The following CAMK4 variants were observed in gnomAD, a reference collection of about 807,000 sequenced individuals.
CAMK4 encodes the protein calcium/calmodulin-dependent protein kinase type IV.
CAMK4 carries 22 observed loss-of-function variants against 44.9 expected under a neutral mutation model. The ratio of observed to expected loss-of-function variants is 0.49; its 90% confidence interval spans 0.35 to 0.70. The LOEUF is 0.70. CAMK4 is among the 30% of genes least tolerant of loss of function. The pLI is 0.01. For missense variants in CAMK4, 498 were observed against 586.8 expected, an observed-to-expected ratio of 0.85 and a Z score of 1.56; for synonymous variants, 218 against 215.4, an observed-to-expected ratio of 1.01 and a Z score of -0.11.
intron 1 of CAMK4, among the ~76,000 whole-genome samples, chr5:111,244,894 TATAAC>T (rs754298250): frequency 4.5e-4 from 68 of 152,000 alleles, no homozygotes; most frequent in Middle Eastern, 3.4e-3. Flanking sequence ...AAATAAATAA[TATAAC>T]ATAACATAAA....
At position 111,486,282 on chromosome 5, in the gene CAMK4, A is replaced by G. The variant is rs1755615094; in HGVS notation, c.*1816A>G. The G allele has an allele frequency of 6.6e-6, 1 of 151,894 alleles. No homozygotes were observed. The highest frequency in any genetic ancestry group is 1.5e-5 in the Non-Finnish European group (1 of 67,974). 9.4% of individuals were successfully genotyped at this position (151,894 alleles called of 1,614,324 possible). ...GCACATCATCTGGGCTCAGAAGATT[A>G]TTTTTTGTTTTGTTTTATTTGTACT... is the stretch of plus-strand genomic sequence containing the variant. On this transcript the variant is annotated 3_prime_UTR_variant, in exon 11 of 11. Transcript: ENST00000282356.
rs181144350 is a variant in CAMK4, at chr5:111,472,426, G to C, written c.626-885G>C. The stretch of plus-strand genomic sequence containing the variant: ...TCAAGAAAGGCCACTCTGGACAATA[G>C]GCCTGAGCTCTATTTCTCCATAGAT... On this transcript the variant is annotated intron_variant, in intron 7 of 10. Coordinates refer to ENST00000282356, the MANE Select transcript of CAMK4 (RefSeq NM_001744.6). 2.7e-3 allele frequency among the ~76,000 whole-genome samples: 417 copies of C among 152,272 alleles called. 3 individuals carry two copies. The highest frequency in any genetic ancestry group is 0.023 in the Admixed American group (356 of 15,296).
rs1241974929 is a variant in CAMK4, at chr5:111,488,790, G to A, written c.*4324G>A. The stretch of plus-strand genomic sequence containing the variant: ...CAGCACTAGCATTTTCTTGATGGTT[G>A]ACTCAATGTATAATTAACAAATATA... On this transcript the variant is annotated 3_prime_UTR_variant, in exon 11 of 11. Transcript: ENST00000282356. The A allele has an allele frequency of 6.6e-6, 1 of 152,148 alleles. No homozygotes were observed. The highest frequency in any genetic ancestry group is 2.4e-5 in the African/African-American group (1 of 41,432). The allele number at this position is 152,148 out of a possible 1,614,324, so 9.4% of individuals were successfully genotyped here.
At chr5:111,286,145 G>T (rs1751231559) in intron 1 of CAMK4, among the ~76,000 whole-genome samples, 1 of 152,206 alleles carries the variant, frequency 6.6e-6, no homozygotes, top group African/African-American at 2.4e-5. Context: ...AATAGTGAGA[G>T]CAACATTTAA....
chr5:111,461,168 T>C (rs1046169564), intron 7 of CAMK4, among the ~76,000 whole-genome samples: 3 of 152,208 alleles, frequency 2.0e-5, no homozygotes, highest in African/African-American at 7.2e-5. Flanking sequence ...ACTTTTTCTT[T>C]TCTCACTCCA....
intron 1 of CAMK4, among the ~76,000 whole-genome samples, chr5:111,336,924 A>G (rs1749430167): frequency 6.6e-6 from 1 of 151,146 alleles, no homozygotes; most frequent in African/African-American, 2.4e-5. Flanking sequence ...ATATTTTTAA[A>G]CAATATAGTT....
At chr5:111,269,057 A>C (rs1199024722) in intron 1 of CAMK4, among the ~76,000 whole-genome samples, 2 of 152,218 alleles carry the variant, frequency 1.3e-5, no homozygotes, top group African/African-American at 2.4e-5. Context: ...AGGCATAGAA[A>C]ATTTGGTTTA....
intron 1 of CAMK4, among the ~76,000 whole-genome samples, chr5:111,303,989 C>G (rs1747846632): frequency 9.9e-6 from 1 of 100,820 alleles, no homozygotes; most frequent in Non-Finnish European, 1.8e-5. Context: ...CATATCCAGC[C>G]AAACTAAGCT....
intron 7 of CAMK4, among the ~76,000 whole-genome samples, chr5:111,468,388 T>G (rs1487075818): frequency 6.6e-6 from 1 of 152,224 alleles, no homozygotes; most frequent in Non-Finnish European, 1.5e-5. Context: ...TTGTTTGTTT[T>G]GATAATGAGG....
chr5:111,474,700 G>C (rs1382330361), intron 8 of CAMK4, among the ~76,000 whole-genome samples: 1 of 152,068 alleles, frequency 6.6e-6, no homozygotes, highest in Non-Finnish European at 1.5e-5. Flanking sequence ...ACTAGGAATG[G>C]GCTAACTGTG....
At chr5:111,425,842 C>G (rs1040074048) in intron 5 of CAMK4, among the ~76,000 whole-genome samples, 3 of 152,100 alleles carry the variant, frequency 2.0e-5, no homozygotes, top group African/African-American at 7.2e-5. Context: ...TACCATATCA[C>G]CTCAGGAATT....
At chr5:111,262,523 C>T (rs1003484047) in intron 1 of CAMK4, among the ~76,000 whole-genome samples, 3 of 152,114 alleles carry the variant, frequency 2.0e-5, no homozygotes, top group African/African-American at 7.2e-5. Flanking sequence ...CTAAAGGAAA[C>T]ACATTTTAAA....
chr5:111,294,197 A>C (rs1039514853), intron 1 of CAMK4, among the ~76,000 whole-genome samples: 2 of 152,210 alleles, frequency 1.3e-5, no homozygotes, highest in African/African-American at 2.4e-5. Context: ...CCATCAATGA[A>C]ATAAAAATAA....
At chr5:111,422,262 C>T (rs1486713377) in intron 5 of CAMK4, among the ~76,000 whole-genome samples, 1 of 152,220 alleles carries the variant, frequency 6.6e-6, no homozygotes, top group Non-Finnish European at 1.5e-5. Flanking sequence ...ACCTAGAGGT[C>T]TAAGAATGCC....
chr5:111,361,470 A>C (rs1376237723), intron 2 of CAMK4, among the ~76,000 whole-genome samples: 6 of 152,028 alleles, frequency 3.9e-5, no homozygotes, highest in African/African-American at 1.4e-4. Context: ...GCTTCTTGAT[A>C]ATTTAAAAAT....
chr5:111,404,550 G>A (rs146435726), intron 5 of CAMK4, among the ~76,000 whole-genome samples: 29 of 152,328 alleles, frequency 1.9e-4, no homozygotes, highest in African/African-American at 5.8e-4. Flanking sequence ...CATTATTTAA[G>A]TGTGGGGATA....
intron 2 of CAMK4, among the ~76,000 whole-genome samples, chr5:111,373,681 C>T (rs565311085): frequency 1.3e-3 from 198 of 152,218 alleles, no homozygotes; most frequent in Middle Eastern, 0.01. Flanking sequence ...GAACCCATTT[C>T]CCATTTGAAG....
intron 1 of CAMK4, among the ~76,000 whole-genome samples, chr5:111,273,506 A>T (rs1210848758): frequency 2.6e-5 from 4 of 151,118 alleles, no homozygotes; most frequent in African/African-American, 9.7e-5. Flanking sequence ...TTTATTTTTT[A>T]GTCTAATTTT....
intron 5 of CAMK4, among the ~76,000 whole-genome samples, chr5:111,423,787 G>C (rs1753115523): frequency 1.3e-5 from 2 of 152,118 alleles, no homozygotes; most frequent in African/African-American, 4.8e-5. Context: ...TGTGACTCAA[G>C]ACCTAACAAT....
Sources: allele counts gnomAD v4.1 joint callset (sites outside exome capture counted in the v4.1 genomes callset), GRCh38; gene constraint gnomAD v4.1.1; transcripts MANE v1.5; gene names NCBI Gene and HGNC (gene_info 2026-07-23, HGNC 2026-07-21).